Variants in IKZF4 observed in about 807,000 individuals in gnomAD.
IKZF4 encodes the protein IKAROS family zinc finger 4, also known as zinc finger protein Eos.
A neutral mutation model predicts 47.7 loss-of-function variants in IKZF4; 11 were observed. The ratio of observed to expected loss-of-function variants is 0.23; its 90% CI spans 0.15 to 0.38. The LOEUF is 0.38. IKZF4 is among the 10% of genes least tolerant of loss of function. IKZF4 has a pLI of 1.00. For synonymous variants in IKZF4, 298 were observed against 299.4 expected (o/e 1.00, Z 0.05); for missense variants, 557 against 784.9 (o/e 0.71, Z 3.47).
Position 56,025,109 on chromosome 12 carries a change from G to A in IKZF4, c.237G>A (p.Ser79=), listed in dbSNP as rs374618694. 1.4e-4 allele frequency: 219 copies of A among 1,604,214 alleles called. 1 individual carries two copies. Among genetic ancestry groups the A allele is most frequent in the Non-Finnish European group, 2.9e-5 (34 of 1,175,796 alleles). Reference sequence around the variant, plus strand: ...TCCTCGGGGCCCCAGTGGGGCCCTCGGTGAGCACCCCCAACAGCCAGCACT... The same window carrying A: ...TCCTCGGGGCCCCAGTGGGGCCCTCAGTGAGCACCCCCAACAGCCAGCACT... ...KEFLGAPVGP[S]VSTPNSQHSS... is the part of the protein sequence containing the mutation. The change falls in exon 3 of 8, where the codon TCG becomes TCA. Residue 79 remains serine, a synonymous_variant. Transcript: ENST00000547167.
At chr12:56,016,279 G>A (rs1186237517), upstream of IKZF4, among the ~76,000 whole-genome samples, 2 of 151,694 alleles carry the variant, frequency 1.3e-5, no homozygotes, top group Non-Finnish European at 2.9e-5. Context: ...TTATCCATCT[G>A]CCTCAGTGAG....
upstream of IKZF4, among the ~76,000 whole-genome samples, chr12:56,020,115 C>T (rs372435784): frequency 2.0e-5 from 3 of 152,362 alleles, no homozygotes; most frequent in African/African-American, 2.4e-5. Flanking sequence ...AAGCACACTG[C>T]GGGCCTCCAC....
In IKZF4 at chr12:56,035,442, C is replaced by A; in HGVS notation, c.*111C>A. The A allele has an allele frequency of 1.8e-6, 2 of 1,107,048 alleles. No homozygotes were observed. Among genetic ancestry groups the A allele is most frequent in the Non-Finnish European group, 2.6e-6 (2 of 766,272 alleles). The allele number at this position is 1,107,048 out of a possible 1,614,324, so 68.6% of individuals were successfully genotyped here. On this transcript the variant is annotated 3_prime_UTR_variant, in exon 8 of 8. Coordinates refer to ENST00000547167, the MANE Select transcript of IKZF4 (RefSeq NM_022465.4). The surrounding 1 kb of genome is among the most constrained non-coding windows in gnomAD (Gnocchi z 6.1). ...TTGCTTTGTAGCCCTCACTACTGGC[C>A]ACCTGACCTCACACCTGACCCTGAC... is the stretch of plus-strand genomic sequence containing the variant.
At chr12:56,012,802 T>A (rs1015805752) in intron 2 of IKZF4, among the ~76,000 whole-genome samples, 3 of 152,096 alleles carry the variant, frequency 2.0e-5, no homozygotes, top group African/African-American at 7.2e-5. Flanking sequence ...AGGACTCTTG[T>A]TTATGCCAAG....
chr12:56,035,663 C>G lies in IKZF4; in HGVS notation c.*332C>G. 4.6e-6 allele frequency: 1 copy of G among 216,130 alleles called. No individual in the cohort carries two copies. The highest frequency in any genetic ancestry group is 1.0e-4 in the South Asian group (1 of 9,764). The allele number at this position is 216,130 out of a possible 1,614,324, so 13.4% of individuals were successfully genotyped here. Reference sequence around the variant, plus strand: ...TGCCACTCCCCCACCCTCCTGTCCACAACTCCTTTCCACTTTAGGCCAATT... The same window carrying G: ...TGCCACTCCCCCACCCTCCTGTCCAGAACTCCTTTCCACTTTAGGCCAATT... On this transcript the variant is annotated 3_prime_UTR_variant, in exon 8 of 8. Coordinates refer to ENST00000547167, the MANE Select transcript of IKZF4 (RefSeq NM_022465.4). This position sits in a 1 kb window ranked among gnomAD's most constrained non-coding sequence, Gnocchi z 6.1.
Position 56,021,164 on chromosome 12 carries a change from T to G in IKZF4, c.-330T>G. On this transcript the variant is annotated 5_prime_UTR_variant, in exon 1 of 8. Coordinates refer to ENST00000547167, the MANE Select transcript of IKZF4 (RefSeq NM_022465.4). ...CCCACCACCCACCCCCTTCACTGTC[T>G]TGGAAAAGGGATGCTGTAGCCTAGC... 1 of 1,327,442 alleles carries G rather than the reference T, an allele frequency of 7.5e-7. No individual in the cohort carries two copies. Among genetic ancestry groups the G allele is most frequent in the Non-Finnish European group, 9.7e-7 (1 of 1,033,872 alleles). 82.2% of individuals were successfully genotyped at this position (1,327,442 alleles called of 1,614,324 possible). A position where few individuals can be genotyped will look rare whatever the true frequency, so the allele number is the denominator to read the frequency against.
intron 2 of IKZF4, chr12:56,024,728 C>T (rs1893656261): frequency 8.3e-7 from 1 of 1,207,606 alleles, no homozygotes; most frequent in Non-Finnish European, 1.0e-6. Flanking sequence ...AACATCTGTC[C>T]CTTCTGCAGC....
chr12:56,022,924 C>A (rs914520821), intron 1 of IKZF4, among the ~76,000 whole-genome samples: 1 of 151,860 alleles, frequency 6.6e-6, no homozygotes, highest in Non-Finnish European at 1.5e-5. Flanking sequence ...CTCAGCCTCC[C>A]GAGTAGCTGG....
chr12:56,010,952 T>C (rs1397954837), intron 1 of IKZF4, among the ~76,000 whole-genome samples: 1 of 152,154 alleles, frequency 6.6e-6, no homozygotes, highest in Non-Finnish European at 1.5e-5. Context: ...ACTTTTTTGA[T>C]CAGCATGTAT....
At chr12:56,018,033 C>G, upstream of IKZF4, 1 of 837,962 alleles carries the variant, frequency 1.2e-6, no homozygotes, top group Non-Finnish European at 1.7e-6. Flanking sequence ...TTAAGTGCTC[C>G]TTTAGGTTTC....
At chr12:56,030,092 A>G (rs1894664125) in intron 5 of IKZF4, among the ~76,000 whole-genome samples, 1 of 152,154 alleles carries the variant, frequency 6.6e-6, no homozygotes. Flanking sequence ...GTTCTCACTC[A>G]TGTGGGAGCT....
intron 2 of IKZF4, among the ~76,000 whole-genome samples, chr12:56,014,414 CT>C (rs1891743495): frequency 6.6e-6 from 1 of 152,192 alleles, no homozygotes; most frequent in Admixed American, 6.5e-5. Context: ...CCAGTGCTAG[CT>C]GAATGGTATG....
intron 3 of IKZF4, among the ~76,000 whole-genome samples, chr12:56,026,292 A>G (rs1893978267): frequency 6.6e-6 from 1 of 151,998 alleles, no homozygotes; most frequent in African/African-American, 2.4e-5. Flanking sequence ...AGGTTGTCTC[A>G]GGTTCCAGTA....
At chr12:56,018,101 T>C (rs1324917894), upstream of IKZF4, 1 of 1,279,642 alleles carries the variant, frequency 7.8e-7, no homozygotes, top group East Asian at 5.6e-5. Flanking sequence ...TATCTTCTAA[T>C]AGCAGCTATT....
At position 56,038,360 on chromosome 12, in the gene IKZF4, C is replaced by T. The variant is rs535227680; in HGVS notation, c.*3029C>T. The T allele has an allele frequency of 1.3e-5, 2 of 152,544 alleles. No individual in the cohort carries two copies. The highest frequency in any genetic ancestry group is 2.4e-5 in the African/African-American group (1 of 41,508). 9.4% of individuals were successfully genotyped at this position (152,544 alleles called of 1,614,324 possible). A position where few individuals can be genotyped will look rare whatever the true frequency, so the allele number is the denominator to read the frequency against. On this transcript the variant is annotated 3_prime_UTR_variant, in exon 8 of 8. Coordinates refer to ENST00000547167, the MANE Select transcript of IKZF4 (RefSeq NM_022465.4). ...ATATTGTAAGTAAATATTTGTGTAA[C>T]GGAGATATACTACTGTAAGTTTTGT...
chr12:56,008,091 A>G (rs1159046948), intron 1 of IKZF4, among the ~76,000 whole-genome samples: 1 of 152,134 alleles, frequency 6.6e-6, no homozygotes, highest in Non-Finnish European at 1.5e-5. Flanking sequence ...AGGAGCAGCA[A>G]AGAGGGTATC....
rs141205852 is a variant in IKZF4, at chr12:56,031,767, C to T, written c.716-794C>T. 4.4e-4 allele frequency among the ~76,000 whole-genome samples: 67 copies of T among 152,286 alleles called. 1 individual carries two copies. The East Asian group carries it at 0.011, about 25-fold the overall frequency. On this transcript the variant is annotated intron_variant, in intron 5 of 7. Coordinates refer to ENST00000547167, the MANE Select transcript of IKZF4 (RefSeq NM_022465.4). ...ACTCTGTTTTCCAATTTTCTTTCTT[C>T]GGTAGAAACAAGACCTTTATAACCT...
intron 5 of IKZF4, chr12:56,029,908 G>C (rs1244985228): frequency 1.3e-5 from 2 of 152,176 alleles, no homozygotes; most frequent in African/African-American, 2.4e-5. Context: ...AACAAGGATG[G>C]CTTGGCCCCT....
chr12:56,033,212 G>A lies in IKZF4; in HGVS notation c.888G>A (p.Glu296=), dbSNP rs1895149927. 1 of 1,613,986 alleles carries A rather than the reference G, an allele frequency of 6.2e-7. No homozygotes were observed. Among genetic ancestry groups the A allele is most frequent in the Non-Finnish European group, 8.5e-7 (1 of 1,179,878 alleles). ...GQPGDEIRDL[E]MVPDSMLHSS... is the part of the protein sequence containing the mutation. The stretch of plus-strand genomic sequence containing the variant: ...TAGGTGACGAAATACGTGACCTGGA[G>A]ATGGTGCCAGACTCCATGCTGCACT... Residue 296 remains glutamate, a synonymous_variant, in exon 7 of 8, where the codon GAG becomes GAA. Transcript: ENST00000547167.
Sources: allele counts gnomAD v4.1 joint callset (sites outside exome capture counted in the v4.1 genomes callset), GRCh38; gene constraint gnomAD v4.1.1; non-coding constraint Gnocchi (gnomAD v3.1); transcripts MANE v1.5; gene names NCBI Gene and HGNC (gene_info 2026-07-23, HGNC 2026-07-21).